IGSF10: variants seen among roughly 807,000 people sequenced by gnomAD.
IGSF10 encodes the protein calvaria mechanical force protein 608.
IGSF10 carries 126 observed loss-of-function variants against 128.2 expected under a neutral mutation model. The ratio of observed to expected loss-of-function variants is 0.98; its 90% confidence interval spans 0.85 to 1.14. The LOEUF (loss-of-function observed/expected upper bound fraction) is 1.14. Among genes scored for constraint, IGSF10 ranks in the 50% most tolerant of loss-of-function variants. The pLI, the probability that IGSF10 is intolerant of heterozygous loss-of-function variation, is 0.00. For missense variants in IGSF10, 3,295 were observed against 3,149.8 expected, an observed-to-expected ratio of 1.05 and a Z score of -1.10; for synonymous variants, 1,185 against 1,146.2, an observed-to-expected ratio of 1.03 and a Z score of -0.68.
the IGSF10 span, among the ~76,000 whole-genome samples, chr3:151,548,949 C>G: frequency 6.6e-6 from 1 of 151,370 alleles, no homozygotes; most frequent in East Asian, 1.9e-4. Flanking sequence ...TGTTCTTTTT[C>G]TCTTTTCTAA....
intron 7 of IGSF10, among the ~76,000 whole-genome samples, chr3:151,441,847 G>T (rs1191203922): frequency 6.6e-6 from 1 of 152,170 alleles, no homozygotes; most frequent in South Asian, 2.1e-4. Flanking sequence ...AGATCACGAG[G>T]TCAGGAGATC....
the IGSF10 span, among the ~76,000 whole-genome samples, chr3:151,555,638 G>T: frequency 6.6e-6 from 1 of 152,074 alleles, no homozygotes; most frequent in Admixed American, 6.6e-5. Context: ...TAGAGAACAG[G>T]GCCTGTTTCA....
the IGSF10 span, among the ~76,000 whole-genome samples, chr3:151,567,978 A>G: frequency 1.3e-5 from 2 of 152,124 alleles, no homozygotes; most frequent in African/African-American, 4.8e-5. Context: ...TCTTACTATA[A>G]GTGATCAAAA....
At chr3:151,601,444 T>A in the IGSF10 span, among the ~76,000 whole-genome samples, 11 of 152,120 alleles carry the variant, frequency 7.2e-5, no homozygotes, top group Non-Finnish European at 1.2e-4. Context: ...CACACACACA[T>A]GCTTATTTGA....
chr3:151,488,959 C>A, the IGSF10 span, among the ~76,000 whole-genome samples: 1 of 152,114 alleles, frequency 6.6e-6, no homozygotes, highest in Non-Finnish European at 1.5e-5. Context: ...GCAACAAAAG[C>A]CAAAATTGAC....
At chr3:151,572,953 A>T in the IGSF10 span, among the ~76,000 whole-genome samples, 5 of 152,320 alleles carry the variant, frequency 3.3e-5, no homozygotes, top group Non-Finnish European at 7.3e-5. Context: ...GTTTCAAAAA[A>T]CATCTTTTTT....
the IGSF10 span, among the ~76,000 whole-genome samples, chr3:151,521,435 T>A: frequency 6.6e-6 from 1 of 151,958 alleles, no homozygotes; most frequent in Admixed American, 6.6e-5. Flanking sequence ...TGGTGCATAC[T>A]GTAAAACTGA....
the IGSF10 span, among the ~76,000 whole-genome samples, chr3:151,583,535 T>C: frequency 6.6e-6 from 1 of 152,118 alleles, no homozygotes; most frequent in South Asian, 2.1e-4. Flanking sequence ...ATGAGAACAC[T>C]TGGGCACAGG....
At chr3:151,492,751 A>AAACG in the IGSF10 span, among the ~76,000 whole-genome samples, 2 of 148,642 alleles carry the variant, frequency 1.3e-5, no homozygotes, top group Admixed American at 6.8e-5. Flanking sequence ...TAAAGCAAAC[A>AAACG]AACAAAACCC....
chr3:151,469,669 T>C, the IGSF10 span, among the ~76,000 whole-genome samples: 2 of 152,200 alleles, frequency 1.3e-5, no homozygotes, highest in Admixed American at 1.3e-4. Context: ...GAATTAAAAG[T>C]GTGCAACCTA....
the IGSF10 span, among the ~76,000 whole-genome samples, chr3:151,602,950 C>T: frequency 6.6e-6 from 1 of 152,202 alleles, no homozygotes; most frequent in Non-Finnish European, 1.5e-5. Flanking sequence ...AAGGACAAAT[C>T]TTGTATCAAA....
the IGSF10 span, among the ~76,000 whole-genome samples, chr3:151,541,828 C>T: frequency 1.3e-5 from 2 of 151,804 alleles, no homozygotes; most frequent in Non-Finnish European, 2.9e-5. Flanking sequence ...CTAGACCAAT[C>T]AGCTGTGGAG....
the IGSF10 span, among the ~76,000 whole-genome samples, chr3:151,593,115 G>C: frequency 6.6e-6 from 1 of 151,972 alleles, no homozygotes; most frequent in Non-Finnish European, 1.5e-5. Context: ...GTAAAAAATG[G>C]TTCTAATTAA....
At chr3:151,555,911 G>A in the IGSF10 span, among the ~76,000 whole-genome samples, 9 of 152,050 alleles carry the variant, frequency 5.9e-5, no homozygotes, top group African/African-American at 2.2e-4. Flanking sequence ...TAGTAATTAC[G>A]CCTCTGTAAT....
At chr3:151,514,855 A>T in the IGSF10 span, among the ~76,000 whole-genome samples, 4 of 152,208 alleles carry the variant, frequency 2.6e-5, no homozygotes, top group African/African-American at 7.2e-5. Context: ...CAGCCAAAAA[A>T]CACGTGAAAA....
intron 4 of IGSF10, among the ~76,000 whole-genome samples, chr3:151,456,126 C>T (rs1417366812): frequency 6.6e-6 from 1 of 152,118 alleles, no homozygotes; most frequent in African/African-American, 2.4e-5. Context: ...ACATGCAATC[C>T]ATCTATTCCT....
the IGSF10 span, among the ~76,000 whole-genome samples, chr3:151,598,110 T>TGAGA: frequency 2.0e-5 from 3 of 148,542 alleles, no homozygotes; most frequent in Non-Finnish European, 4.5e-5. Flanking sequence ...TGTGTGTGTG[T>TGAGA]GAATACTTCA....
chr3:151,557,428 G>T, the IGSF10 span, among the ~76,000 whole-genome samples: 101 of 152,222 alleles, frequency 6.6e-4, no homozygotes, highest in Non-Finnish European at 8.8e-4. Flanking sequence ...ATGTGGGGAA[G>T]AAATTTACAG....
the IGSF10 span, among the ~76,000 whole-genome samples, chr3:151,480,888 G>T: frequency 6.6e-6 from 1 of 152,040 alleles, no homozygotes; most frequent in Non-Finnish European, 1.5e-5. Flanking sequence ...CATTCCCCCA[G>T]CAACCTGCAT....
Sources: allele counts gnomAD v4.1 joint callset (sites outside exome capture counted in the v4.1 genomes callset), GRCh38; gene constraint gnomAD v4.1.1; transcripts MANE v1.5; gene names NCBI Gene and HGNC (gene_info 2026-07-23, HGNC 2026-07-21).